Variants in ATRNL1 observed in about 807,000 individuals in gnomAD.
The protein encoded by ATRNL1 is attractin-like protein 1.
In ATRNL1, 95 loss-of-function variants were observed where a neutral mutation model predicts 182.7. That is an observed-to-expected ratio of 0.52 (90% CI 0.44 to 0.62). The LOEUF is 0.62. ATRNL1 is among the 20% of genes least tolerant of loss of function. ATRNL1 has a pLI of 0.00. For synonymous variants in ATRNL1, 576 were observed against 568.3 expected (o/e 1.01, Z -0.19); for missense variants, 1,471 against 1,679.5 (o/e 0.88, Z 2.17).
chr10:115,211,624 T>TA (rs1554895004), intron 8 of ATRNL1, among the ~76,000 whole-genome samples: 1 of 151,876 alleles, frequency 6.6e-6, no homozygotes, highest in Non-Finnish European at 1.5e-5. Context: ...CTTTTTTTTT[T>TA]ATTATACTTT....
intron 26 of ATRNL1, among the ~76,000 whole-genome samples, chr10:115,632,639 T>G (rs977416519): frequency 2.2e-4 from 33 of 152,082 alleles, no homozygotes; most frequent in Non-Finnish European, 4.4e-5. Context: ...CTGTAAGAGG[T>G]CTAAAGAACT....
intron 26 of ATRNL1, chr10:115,597,566 AGCTT>A: frequency 2.7e-6 from 1 of 365,972 alleles, no homozygotes; most frequent in Non-Finnish European, 5.0e-6. Flanking sequence ...CATTTATGGG[AGCTT>A]TTTTTTTTTT....
At chr10:115,661,654 C>A (rs1021333310) in intron 26 of ATRNL1, among the ~76,000 whole-genome samples, 15 of 152,054 alleles carry the variant, frequency 9.9e-5, no homozygotes, top group Admixed American at 9.8e-4. Context: ...AGGCTATATA[C>A]CAGCCACGTG....
chr10:115,463,800 G>A (rs1847927239), intron 22 of ATRNL1, among the ~76,000 whole-genome samples: 1 of 151,786 alleles, frequency 6.6e-6, no homozygotes, highest in African/African-American at 2.4e-5. Flanking sequence ...GTGTTTCCAA[G>A]GTTCATCCAT....
intron 26 of ATRNL1, among the ~76,000 whole-genome samples, chr10:115,561,704 G>GTGTGTGTGT (rs1554999746): frequency 0.022 from 3,199 of 144,990 alleles, 74 homozygotes; most frequent in Middle Eastern, 0.057. Flanking sequence ...TGTGTGTGTG[G>GTGTGTGTGT]GTGTGTGTGT....
chr10:115,311,438 T>TGG (rs1854019939), intron 17 of ATRNL1, among the ~76,000 whole-genome samples: 2 of 152,146 alleles, frequency 1.3e-5, no homozygotes, highest in Non-Finnish European at 2.9e-5. Flanking sequence ...CCACCCACCT[T>TGG]GTCCTCCCAA....
intron 26 of ATRNL1, among the ~76,000 whole-genome samples, chr10:115,637,603 CTATTAT>C (rs3087071): frequency 0.2 from 28,307 of 141,690 alleles, 3,003 homozygotes; most frequent in East Asian, 0.26. Flanking sequence ...CAATTTATTA[CTATTAT>C]TATTATTATT....
At chr10:115,632,179 G>A (rs190816186) in intron 26 of ATRNL1, among the ~76,000 whole-genome samples, 49 of 152,226 alleles carry the variant, frequency 3.2e-4, no homozygotes, top group African/African-American at 1.0e-3. Context: ...AAGTTATTTA[G>A]TCTAGGAACT....
intron 24 of ATRNL1, among the ~76,000 whole-genome samples, chr10:115,512,483 T>C (rs1169019980): frequency 2.0e-5 from 3 of 151,632 alleles, no homozygotes; most frequent in Non-Finnish European, 4.4e-5. Context: ...ATCTATTTAT[T>C]CTATAAATTT....
chr10:115,544,216 A>T lies in ATRNL1; in HGVS notation c.3717-5242A>T, dbSNP rs540613268. 2.0e-5 allele frequency among the ~76,000 whole-genome samples: 3 copies of T among 152,332 alleles called. No homozygotes were observed. The South Asian group carries it at 6.2e-4, about 32-fold the overall frequency. On this transcript the variant is annotated intron_variant, in intron 25 of 28. Coordinates refer to ENST00000355044, the MANE Select transcript of ATRNL1 (RefSeq NM_207303.4). ...TGATTTAAGAGATAGAGAAAAGCTA[A>T]CTGGAATACACAAACCTACAAATAT...
rs1953873227 is a variant in ATRNL1 at position 115,946,215 on chromosome 10, C to G, written c.*1436C>G. 1 of 152,158 alleles carries G rather than the reference C, an allele frequency of 6.6e-6. No homozygotes were observed. The highest frequency in any genetic ancestry group is 1.5e-5 in the Non-Finnish European group (1 of 68,020). The allele number at this position is 152,158 out of a possible 1,614,324, so 9.4% of individuals were successfully genotyped here. Reference sequence around the variant, plus strand: ...TGTTTAGTACTATATATGTACTTTTCACATTCTTTGGATTTCTGGAAGGTT... The same window carrying G: ...TGTTTAGTACTATATATGTACTTTTGACATTCTTTGGATTTCTGGAAGGTT... On this transcript the variant is annotated 3_prime_UTR_variant, in exon 29 of 29. Coordinates refer to ENST00000355044, the MANE Select transcript of ATRNL1 (RefSeq NM_207303.4).
chr10:115,602,809 G>A (rs925697459), intron 26 of ATRNL1, among the ~76,000 whole-genome samples: 6 of 147,546 alleles, frequency 4.1e-5, no homozygotes, highest in Non-Finnish European at 7.4e-5. Context: ...AGCAGAGATC[G>A]CGCCACTGCA....
In ATRNL1 at chr10:115,455,600, A is replaced by G. The variant is rs1847484829; in HGVS notation, c.3323-6341A>G. On this transcript the variant is annotated intron_variant, in intron 21 of 28. Coordinates refer to ENST00000355044, the MANE Select transcript of ATRNL1 (RefSeq NM_207303.4). ...GCAACGAGTTCATGACTAAAACACC[A>G]AAAGCAATTGCAACAAAAGCCAAAA... Among the ~76,000 whole-genome samples the G allele has an allele frequency of 3.3e-5, 5 of 152,206 alleles. No individual in the cohort carries two copies. The South Asian group carries it at 1.0e-3, about 32-fold the overall frequency.
At chr10:115,175,542 C>G (rs1554886524) in intron 8 of ATRNL1, among the ~76,000 whole-genome samples, 1 of 151,978 alleles carries the variant, frequency 6.6e-6, no homozygotes, top group Non-Finnish European at 1.5e-5. Context: ...GTCTTACTAA[C>G]TGCATTACTT....
At chr10:115,191,274 GT>G (rs1554889793) in intron 8 of ATRNL1, among the ~76,000 whole-genome samples, 1 of 151,966 alleles carries the variant, frequency 6.6e-6, no homozygotes, top group Non-Finnish European at 1.5e-5. Context: ...TCTATTTTTA[GT>G]TTTTTAGGAA....
chr10:115,388,044 G>A (rs1554953148), intron 19 of ATRNL1, among the ~76,000 whole-genome samples: 1 of 152,164 alleles, frequency 6.6e-6, no homozygotes. Context: ...GCATGATTAT[G>A]TTTTGTGAAT....
intron 26 of ATRNL1, among the ~76,000 whole-genome samples, chr10:115,683,745 G>T (rs1593062515): frequency 6.6e-6 from 1 of 151,578 alleles, no homozygotes; most frequent in Non-Finnish European, 1.5e-5. Context: ...GATGAATCAC[G>T]GAGAATTAAT....
Position 115,839,222 on chromosome 10 carries a change from C to T in ATRNL1, c.3904-8655C>T, listed in dbSNP as rs2420125. On this transcript the variant is annotated intron_variant, in intron 27 of 28. Coordinates refer to ENST00000355044, the MANE Select transcript of ATRNL1 (RefSeq NM_207303.4). The stretch of plus-strand genomic sequence containing the variant: ...GACTAATAGTTTAATAAAGGGACAC[C>T]GCAAGTTTCTAATAGAGAGAGGTTT... Among the ~76,000 whole-genome samples, 916 of 152,070 alleles carry T rather than the reference C, an allele frequency of 6.0e-3. 14 individuals are homozygous for T. Among genetic ancestry groups the T allele is most frequent in the African/African-American group, 0.021 (873 of 41,456 alleles).
intron 7 of ATRNL1, among the ~76,000 whole-genome samples, chr10:115,169,889 CT>C (rs1421885704): frequency 2.6e-5 from 4 of 151,930 alleles, no homozygotes; most frequent in African/African-American, 9.6e-5. Flanking sequence ...GTATTTTATT[CT>C]TTTAGATGCT....
Sources: allele counts gnomAD v4.1 joint callset (sites outside exome capture counted in the v4.1 genomes callset), GRCh38; gene constraint gnomAD v4.1.1; transcripts MANE v1.5; gene names NCBI Gene and HGNC (gene_info 2026-07-23, HGNC 2026-07-21).